Variants in IL1RAPL1 observed in about 807,000 individuals in gnomAD.
IL1RAPL1 encodes the protein interleukin 1 receptor accessory protein like 1.
In IL1RAPL1, 3 loss-of-function variants were observed where a neutral mutation model predicts 48.4. The observed-to-expected ratio is 0.06, with a 90% confidence interval of 0.03 to 0.16. The LOEUF (loss-of-function observed/expected upper bound fraction) is 0.16, where lower values mean the gene tolerates loss of function less well. Among genes scored for constraint, IL1RAPL1 ranks in the 10% least tolerant of loss-of-function variants. IL1RAPL1 has a pLI of 1.00. For synonymous variants in IL1RAPL1, 185 were observed against 187.7 expected (o/e 0.99, Z 0.12); for missense variants, 349 against 530.6 (o/e 0.66, Z 3.36).
chrX:29,848,073 A>G (rs1224573095), intron 6 of IL1RAPL1, among the ~76,000 whole-genome samples: 3 of 111,358 alleles, frequency 2.7e-5, no homozygotes, highest in Admixed American at 9.6e-5. Context: ...CTCTTTACAG[A>G]TGATCAGAAG....
intron 2 of IL1RAPL1, among the ~76,000 whole-genome samples, chrX:29,020,963 C>T (rs749829573): frequency 3.2e-4 from 35 of 110,926 alleles, no homozygotes; most frequent in African/African-American, 1.0e-3. Flanking sequence ...CGGTGGCTCA[C>T]GCCTGTAATC....
At chrX:29,149,214 A>G (rs1929411117) in intron 2 of IL1RAPL1, among the ~76,000 whole-genome samples, 2 of 110,732 alleles carry the variant, frequency 1.8e-5, no homozygotes, top group Admixed American at 9.8e-5. Context: ...TTATTACATC[A>G]GCTACATATG....
intron 2 of IL1RAPL1, among the ~76,000 whole-genome samples, chrX:29,006,541 T>G (rs1925983302): frequency 2.8e-5 from 3 of 106,302 alleles, no homozygotes; most frequent in Admixed American, 2.0e-4. Context: ...ATCCCACACC[T>G]CCTGTCAGAA....
intron 2 of IL1RAPL1, among the ~76,000 whole-genome samples, chrX:29,102,634 C>A (rs1487479184): frequency 9.3e-6 from 1 of 108,077 alleles, no homozygotes; most frequent in Non-Finnish European, 1.9e-5. Context: ...CCTTTGCACT[C>A]CAGCCTGGGC....
chrX:29,799,046 GA>G (rs1929817374), intron 6 of IL1RAPL1, among the ~76,000 whole-genome samples: 1 of 111,770 alleles, frequency 8.9e-6, no homozygotes, highest in Non-Finnish European at 1.9e-5. Flanking sequence ...GAAATGTCAG[GA>G]AGGAGAATGT....
chrX:28,652,013 T>G (rs1934688925), intron 1 of IL1RAPL1, among the ~76,000 whole-genome samples: 1 of 111,925 alleles, frequency 8.9e-6, no homozygotes, highest in Admixed American at 9.5e-5. Flanking sequence ...TGTCAAATGA[T>G]TTGTAACTTG....
At chrX:29,388,828 G>A (rs1933817726) in intron 3 of IL1RAPL1, among the ~76,000 whole-genome samples, 1 of 111,705 alleles carries the variant, frequency 9.0e-6, no homozygotes, top group Non-Finnish European at 1.9e-5. Flanking sequence ...TCTAGTCTTA[G>A]AACTAGATAG....
rs186419172 is a variant in IL1RAPL1 at position 29,066,438 on chromosome X, C to T, written c.83-216500C>T. Among the ~76,000 whole-genome samples the T allele has an allele frequency of 5.4e-5, 6 of 112,024 alleles. No homozygotes were observed. The East Asian group carries it at 1.1e-3, about 21-fold the overall frequency. The stretch of plus-strand genomic sequence containing the variant: ...GTTTTTGTACTACATTATTTGCCTG[C>T]TTATTGTTTTGGATAATACGTTGGG... On this transcript the variant is annotated intron_variant, in intron 2 of 10. Coordinates refer to ENST00000378993, the MANE Select transcript of IL1RAPL1 (RefSeq NM_014271.4).
intron 3 of IL1RAPL1, among the ~76,000 whole-genome samples, chrX:29,301,467 G>A (rs1024033987): frequency 3.6e-5 from 4 of 111,931 alleles, no homozygotes; most frequent in South Asian, 3.6e-4. Context: ...TATTAGTAGT[G>A]TTTGATTATC....
At chrX:29,044,470 AT>A (rs1258914759) in intron 2 of IL1RAPL1, among the ~76,000 whole-genome samples, 5 of 110,910 alleles carry the variant, frequency 4.5e-5, no homozygotes, top group Non-Finnish European at 7.6e-5. Context: ...GATATTTATG[AT>A]GATTTTTCCT....
In IL1RAPL1 at chrX:29,920,017, G is replaced by A; in HGVS notation, c.980G>A (p.Gly327Asp). The A allele has an allele frequency of 8.3e-7, 1 of 1,209,935 alleles. No homozygotes were observed. The highest frequency in any genetic ancestry group is 1.8e-5 in the South Asian group (1 of 56,924). ...TTAATTGTGGACTCTGTGGAAGAAG[G>A]TGACTTGGGAAATTACTCCTGTTAT... The part of the protein sequence containing the change: ...ISLIVDSVEE[G>D]DLGNYSCYVE... Residue 327 changes from glycine (G) to aspartate (D), a missense_variant, in exon 8 of 11, where the codon GGT becomes GAT. Gly to Asp is a moderately conservative substitution (Grantham distance 94). Transcript: ENST00000378993.
At chrX:28,590,877 T>C (rs975029700) in intron 1 of IL1RAPL1, among the ~76,000 whole-genome samples, 16 of 112,116 alleles carry the variant, frequency 1.4e-4, no homozygotes, top group African/African-American at 5.2e-4. Context: ...ACATATGTAA[T>C]TGCTAACTCC....
intron 2 of IL1RAPL1, among the ~76,000 whole-genome samples, chrX:29,090,023 G>T (rs1008336605): frequency 1.9e-5 from 2 of 106,397 alleles, no homozygotes; most frequent in African/African-American, 6.8e-5. Context: ...CAACAGAACC[G>T]GTCACTATGA....
chrX:29,829,856 G>A (rs1306819265), intron 6 of IL1RAPL1, among the ~76,000 whole-genome samples: 3 of 111,571 alleles, frequency 2.7e-5, no homozygotes, highest in Non-Finnish European at 5.7e-5. Flanking sequence ...TTTCATAGAG[G>A]ATGTAAAATG....
At chrX:29,519,972 T>C (rs185314204) in intron 5 of IL1RAPL1, among the ~76,000 whole-genome samples, 3 of 111,947 alleles carry the variant, frequency 2.7e-5, no homozygotes, top group Non-Finnish European at 5.6e-5. Flanking sequence ...CCCAAGTGAA[T>C]TGTCTGAACC....
chrX:29,039,460 C>T (rs1160095586), intron 2 of IL1RAPL1, among the ~76,000 whole-genome samples: 3 of 111,508 alleles, frequency 2.7e-5, no homozygotes, highest in Non-Finnish European at 5.7e-5. Flanking sequence ...TTTTCTTCTT[C>T]CTGTAAAAAC....
rs748894656 is a variant in IL1RAPL1 at position 29,725,411 on chromosome X, A to T, written c.778+56907A>T. Among the ~76,000 whole-genome samples, 4 of 111,591 alleles carry T rather than the reference A, an allele frequency of 3.6e-5. No individual in the cohort carries two copies. The East Asian group carries it at 1.1e-3, about 32-fold the overall frequency. On this transcript the variant is annotated intron_variant, in intron 6 of 10. Coordinates refer to ENST00000378993, the MANE Select transcript of IL1RAPL1 (RefSeq NM_014271.4). ...GGAAAAATAAGTGCCCTTGGGTATC[A>T]TGTCCCTTGTTTTCTGAGATAATAT...
chrX:28,779,251 A>T (rs1405793853), intron 1 of IL1RAPL1, among the ~76,000 whole-genome samples: 1 of 111,077 alleles, frequency 9.0e-6, no homozygotes. Flanking sequence ...ACCTTGATTG[A>T]AGCCTTTTCC....
chrX:29,919,876 T>G, intron 7 of IL1RAPL1, 73 bp from the exon 8 acceptor site: 1 of 997,758 alleles, frequency 1.0e-6, no homozygotes, highest in Non-Finnish European at 1.4e-6. Flanking sequence ...AGATTCGGAT[T>G]CATCTACATT....
Sources: allele counts gnomAD v4.1 joint callset (sites outside exome capture counted in the v4.1 genomes callset), GRCh38; gene constraint gnomAD v4.1.1; transcripts MANE v1.5; gene names NCBI Gene and HGNC (gene_info 2026-07-23, HGNC 2026-07-21).